STAU2: variants seen among roughly 807,000 people sequenced by gnomAD.
STAU2 encodes double-stranded RNA-binding protein Staufen homolog 2.
A neutral mutation model predicts 65.9 loss-of-function variants in STAU2; 20 were observed. The observed-to-expected ratio is 0.30, with a 90% confidence interval of 0.21 to 0.44. The LOEUF (loss-of-function observed/expected upper bound fraction) is 0.44. Ranked by LOEUF, STAU2 falls within the 20% of genes least tolerant of loss-of-function variation. The pLI, the probability that STAU2 is intolerant of heterozygous loss-of-function variation, is 1.00. For synonymous variants in STAU2, 232 were observed against 233.9 expected (o/e 0.99, Z 0.07); for missense variants, 558 against 683.9 (o/e 0.82, Z 2.05).
intron 3 of STAU2, among the ~76,000 whole-genome samples, chr8:73,718,844 A>C (rs1463795696): frequency 6.6e-6 from 1 of 152,188 alleles, no homozygotes; most frequent in Non-Finnish European, 1.5e-5. Context: ...GTTCTCTGCT[A>C]ATGTATAGAA....
intron 13 of STAU2, among the ~76,000 whole-genome samples, chr8:73,510,433 A>G (rs1445304878): frequency 6.6e-6 from 1 of 152,246 alleles, no homozygotes; most frequent in African/African-American, 2.4e-5. Flanking sequence ...AATTTGTACA[A>G]ATAGTACAAT....
chr8:73,497,762 TATA>T (rs1333254801), intron 13 of STAU2, among the ~76,000 whole-genome samples: 2 of 150,832 alleles, frequency 1.3e-5, no homozygotes, highest in Non-Finnish European at 3.0e-5. Flanking sequence ...CTGATGTTAC[TATA>T]ATCTTTTGAC....
chr8:73,454,999 C>T (rs945938482), intron 13 of STAU2, among the ~76,000 whole-genome samples: 6 of 152,156 alleles, frequency 3.9e-5, no homozygotes, highest in African/African-American at 1.2e-4. Flanking sequence ...CAAGCCAGCT[C>T]ATGCTTAGAG....
At chr8:73,663,361 C>A (rs1229078120) in intron 6 of STAU2, among the ~76,000 whole-genome samples, 1 of 152,118 alleles carries the variant, frequency 6.6e-6, no homozygotes, top group Non-Finnish European at 1.5e-5. Context: ...GCTTGCAAGC[C>A]ATACAAAAAC....
rs1169167312 is a variant in STAU2 at position 73,738,373 on chromosome 8, A to G, written c.-83-24T>C. On this transcript the variant is annotated intron_variant, in intron 2 of 14. Transcript: ENST00000524300. The stretch of plus-strand genomic sequence containing the variant: ...AACTGGAAAACGAAAATGAAGAAAT[A>G]AAGTTCAACTTAGCTGATAACCTCA... The G allele has an allele frequency of 5.1e-6, 8 of 1,569,272 alleles. No individual in the cohort carries two copies. The East Asian group carries it at 1.6e-4, about 31-fold the overall frequency.
chr8:73,627,338 G>C (rs967967252), intron 6 of STAU2, among the ~76,000 whole-genome samples: 2 of 150,916 alleles, frequency 1.3e-5, no homozygotes, highest in African/African-American at 4.9e-5. Context: ...AGCAGATTCA[G>C]GGCTGACCAA....
At chr8:73,518,513 G>C (rs932164009) in intron 13 of STAU2, among the ~76,000 whole-genome samples, 14 of 152,184 alleles carry the variant, frequency 9.2e-5, no homozygotes, top group Non-Finnish European at 1.9e-4. Flanking sequence ...AATAATGGTT[G>C]TGGCTGTGTC....
At chr8:73,431,886 G>C (rs1817325381) in intron 13 of STAU2, among the ~76,000 whole-genome samples, 1 of 152,160 alleles carries the variant, frequency 6.6e-6, no homozygotes, top group Non-Finnish European at 1.5e-5. Context: ...GGACTAAACA[G>C]TTTGTAACGA....
At chr8:73,740,723 C>G (rs1006623065) in intron 1 of STAU2, among the ~76,000 whole-genome samples, 1 of 151,988 alleles carries the variant, frequency 6.6e-6, no homozygotes, top group Non-Finnish European at 1.5e-5. Context: ...CATTACTGGT[C>G]GGGTGTAGTG....
chr8:73,520,425 CTGTT>C (rs1389073717), intron 13 of STAU2, among the ~76,000 whole-genome samples: 8 of 152,090 alleles, frequency 5.3e-5, no homozygotes, highest in Admixed American at 1.3e-4. Context: ...TTAATTTTAA[CTGTT>C]TGACTTTTTA....
intron 13 of STAU2, among the ~76,000 whole-genome samples, chr8:73,523,785 T>C (rs537061502): frequency 2.6e-5 from 4 of 152,170 alleles, no homozygotes; most frequent in Admixed American, 2.6e-4. Context: ...GGAATTGAAG[T>C]TGGATAAGTG....
chr8:73,643,785 C>T (rs1227034447), intron 6 of STAU2, among the ~76,000 whole-genome samples: 1 of 152,160 alleles, frequency 6.6e-6, no homozygotes, highest in Non-Finnish European at 1.5e-5. Flanking sequence ...AATGACAATA[C>T]ATTATGGTGT....
chr8:73,437,534 T>C (rs1188179417), intron 13 of STAU2, among the ~76,000 whole-genome samples: 1 of 152,038 alleles, frequency 6.6e-6, no homozygotes, highest in Non-Finnish European at 1.5e-5. Flanking sequence ...CTCCAGCGAG[T>C]CCATGGGAGA....
chr8:73,666,581 C>T (rs1187770267), intron 6 of STAU2, among the ~76,000 whole-genome samples: 1 of 152,102 alleles, frequency 6.6e-6, no homozygotes, highest in Non-Finnish European at 1.5e-5. Flanking sequence ...TGCTATGACT[C>T]AACATATATT....
At chr8:73,665,306 T>C (rs11783213) in intron 6 of STAU2, among the ~76,000 whole-genome samples, 6,534 of 152,292 alleles carry the variant, frequency 0.043, 354 homozygotes, top group Admixed American at 0.16. Flanking sequence ...AGAATCAGTT[T>C]AAGAGTTCTG....
At chr8:73,712,861 T>C (rs1242763105) in intron 3 of STAU2, among the ~76,000 whole-genome samples, 1 of 152,188 alleles carries the variant, frequency 6.6e-6, no homozygotes, top group African/African-American at 2.4e-5. Context: ...AAGGCTGAGA[T>C]AGAAGGATTG....
At position 73,442,250 on chromosome 8, in the gene STAU2, A is replaced by C. The variant is rs567427919; in HGVS notation, c.1531-19548T>G. On this transcript the variant is annotated intron_variant, in intron 13 of 14. Coordinates refer to ENST00000524300, the MANE Select transcript of STAU2 (RefSeq NM_001164380.2). ...GTGCCTGTAGTCTCAGCTACTCGGG[A>C]GGCTGAGGCAGGAGAATGGTGTGAA... 8.1e-4 allele frequency among the ~76,000 whole-genome samples: 122 copies of C among 150,568 alleles called. 1 individual carries two copies. Among genetic ancestry groups the C allele is most frequent in the Middle Eastern group, 3.5e-3 (1 of 286 alleles).
intron 6 of STAU2, among the ~76,000 whole-genome samples, chr8:73,657,358 G>A (rs1470999752): frequency 6.6e-6 from 1 of 151,974 alleles, no homozygotes; most frequent in Non-Finnish European, 1.5e-5. Context: ...AAAAAGCAAA[G>A]GGCCCTTCTA....
At chr8:73,479,863 A>G (rs2383914) in intron 13 of STAU2, among the ~76,000 whole-genome samples, 31,974 of 151,698 alleles carry the variant, frequency 0.21, 4,030 homozygotes, top group East Asian at 0.54. Context: ...ATTAAAATGA[A>G]TCGCTTCAGG....
Sources: gnomAD v4.1 joint callset for allele counts (sites outside exome capture counted in the v4.1 genomes callset) on GRCh38, gnomAD v4.1.1 for gene constraint, MANE v1.5 for transcripts, NCBI Gene and HGNC (gene_info 2026-07-23, HGNC 2026-07-21) for gene names.